ALKBH5: variants seen among roughly 807,000 people sequenced by gnomAD.
ALKBH5 encodes the protein RNA demethylase ALKBH5.
In ALKBH5, 2 loss-of-function variants were observed where a neutral mutation model predicts 32.1. The ratio of observed to expected loss-of-function variants is 0.06; its 90% CI spans 0.03 to 0.20. ALKBH5 has a LOEUF of 0.20. ALKBH5 is among the 10% of genes least tolerant of loss of function. The pLI, the probability that ALKBH5 is intolerant of heterozygous loss-of-function variation, is 1.00. For synonymous variants in ALKBH5, 300 were observed against 231.7 expected (o/e 1.29, Z -2.68); for missense variants, 352 against 559.5 (o/e 0.63, Z 3.74).
At chr17:18,206,095 G>A (rs1335609296) in intron 2 of ALKBH5, among the ~76,000 whole-genome samples, 9 of 152,084 alleles carry the variant, frequency 5.9e-5, no homozygotes, top group Non-Finnish European at 1.3e-4. Flanking sequence ...CTGAGTTACC[G>A]CTACCCAGCT....
chr17:18,183,918 C>G lies in ALKBH5; in HGVS notation c.-326C>G. 1 of 526,980 alleles carries G rather than the reference C, an allele frequency of 1.9e-6. No individual in the cohort carries two copies. Among genetic ancestry groups the G allele is most frequent in the Non-Finnish European group, 3.6e-6 (1 of 280,894 alleles). 32.6% of individuals were successfully genotyped at this position (526,980 alleles called of 1,614,324 possible). On this transcript the variant is annotated 5_prime_UTR_variant, in exon 1 of 4. Coordinates refer to ENST00000399138, the MANE Select transcript of ALKBH5 (RefSeq NM_017758.4). ...GCTTTAAAGTGCGGGCCGGGCCGGGCGTCCGAGGGTCTGGTCGGGAGTCGG... is the reference window on the plus strand; with the variant it reads ...GCTTTAAAGTGCGGGCCGGGCCGGGGGTCCGAGGGTCTGGTCGGGAGTCGG...
At chr17:18,195,358 T>A (rs2047198688) in intron 2 of ALKBH5, among the ~76,000 whole-genome samples, 1 of 152,202 alleles carries the variant, frequency 6.6e-6, no homozygotes, top group South Asian at 2.1e-4. Context: ...CTCACCTCCT[T>A]CGTTCTTATT....
chr17:18,199,264 A>G (rs12150618), intron 2 of ALKBH5, among the ~76,000 whole-genome samples: 53,181 of 152,154 alleles, frequency 0.35, 9,810 homozygotes, highest in Non-Finnish European at 0.41. Context: ...CTGCCGCAGC[A>G]TGCAAGTCTT....
chr17:18,185,126 C>G, intron 1 of ALKBH5, 113 bp downstream of exon 1: 4 of 1,484,722 alleles, frequency 2.7e-6, no homozygotes, highest in Non-Finnish European at 3.6e-6. Context: ...CTGACCAGTT[C>G]TTCTGTTTGT....
chr17:18,204,915 G>A (rs560882347), intron 2 of ALKBH5, among the ~76,000 whole-genome samples: 97 of 151,996 alleles, frequency 6.4e-4, no homozygotes, highest in African/African-American at 2.3e-3. Flanking sequence ...ACCATTAGCC[G>A]GGCATGGTGG....
At chr17:18,205,846 C>T (rs1351272027) in intron 2 of ALKBH5, among the ~76,000 whole-genome samples, 2 of 152,224 alleles carry the variant, frequency 1.3e-5, no homozygotes, top group Non-Finnish European at 2.9e-5. Context: ...AGCCCCTACT[C>T]CTTCGGAACT....
At chr17:18,193,654 G>A (rs1473062570) in intron 1 of ALKBH5, among the ~76,000 whole-genome samples, 2 of 152,200 alleles carry the variant, frequency 1.3e-5, no homozygotes, top group Non-Finnish European at 2.9e-5. Flanking sequence ...GAAGCAGTCT[G>A]GCTTTTTATC....
intron 3 of ALKBH5, among the ~76,000 whole-genome samples, chr17:18,207,193 A>G (rs546111523): frequency 4.2e-4 from 64 of 152,324 alleles, no homozygotes; most frequent in African/African-American, 1.5e-3. Flanking sequence ...ACTGTAACAG[A>G]TGGCAATATC....
At chr17:18,192,115 G>GC (rs904932474) in intron 1 of ALKBH5, among the ~76,000 whole-genome samples, 42 of 152,322 alleles carry the variant, frequency 2.8e-4, no homozygotes, top group Middle Eastern at 3.4e-3. Flanking sequence ...GGCCCAGGCG[G>GC]CCCCCACTAC....
chr17:18,189,286 G>A (rs1163602368), intron 1 of ALKBH5, among the ~76,000 whole-genome samples: 3 of 152,066 alleles, frequency 2.0e-5, no homozygotes, highest in African/African-American at 7.3e-5. Context: ...GGATGCTGAG[G>A]CGGCAGAATG....
At chr17:18,198,143 G>A (rs774459380) in intron 2 of ALKBH5, among the ~76,000 whole-genome samples, 5 of 152,178 alleles carry the variant, frequency 3.3e-5, no homozygotes, top group Admixed American at 2.0e-4. Context: ...ATTTTGACAT[G>A]CAGAAAGCAT....
chr17:18,206,516 C>G, intron 2 of ALKBH5: 1 of 257,976 alleles, frequency 3.9e-6, no homozygotes, highest in Non-Finnish European at 7.4e-6. Flanking sequence ...GGTGAGGCTG[C>G]TTGGTTCAGC....
intron 2 of ALKBH5, among the ~76,000 whole-genome samples, chr17:18,206,297 T>A (rs1163325220): frequency 2.0e-5 from 3 of 152,166 alleles, no homozygotes; most frequent in Non-Finnish European, 4.4e-5. Context: ...GGAGTGGGCC[T>A]GGGTTCCCTA....
At position 18,209,046 on chromosome 17, in the gene ALKBH5, C is replaced by T. The variant is rs756200930; in HGVS notation, c.*650C>T. On this transcript the variant is annotated 3_prime_UTR_variant, in exon 4 of 4. Coordinates refer to ENST00000399138, the MANE Select transcript of ALKBH5 (RefSeq NM_017758.4). ...CCCCCAGGCGTCCTCCACCCACGCC[C>T]ACTAGCCTGCCATGTCCACAGTTCC... 4 of 163,798 alleles carry T rather than the reference C, an allele frequency of 2.4e-5. No homozygotes were observed. The highest frequency in any genetic ancestry group is 5.4e-5 in the Non-Finnish European group (4 of 74,534). The allele number at this position is 163,798 out of a possible 1,614,324, so 10.1% of individuals were successfully genotyped here. A position where few individuals can be genotyped will look rare whatever the true frequency, so the allele number is the denominator to read the frequency against.
rs1192335391 is a variant in ALKBH5, at chr17:18,184,090, A to G, written c.-154A>G. The G allele has an allele frequency of 2.8e-6, 2 of 712,632 alleles. No individual in the cohort carries two copies. Among genetic ancestry groups the G allele is most frequent in the Non-Finnish European group, 4.8e-6 (2 of 414,460 alleles). 44.1% of individuals were successfully genotyped at this position (712,632 alleles called of 1,614,324 possible). On this transcript the variant is annotated 5_prime_UTR_variant, in exon 1 of 4. Coordinates refer to ENST00000399138, the MANE Select transcript of ALKBH5 (RefSeq NM_017758.4). ...TCCTGAGGCCCTACCCCACGCCCGGACCCTCGACGCCCCCCGCCGGGTCCC... is the reference window on the plus strand; with the variant it reads ...TCCTGAGGCCCTACCCCACGCCCGGGCCCTCGACGCCCCCCGCCGGGTCCC...
rs1157142284 is a variant in ALKBH5, at chr17:18,209,184, TTGCCAC to T, written c.*789_*794del. ...GTGTGATTATTTGGAACAGTTAGAC[TTGCCAC>T]GTTGGGTCAGTTTTAGAAATTGTTT... On this transcript the variant is annotated 3_prime_UTR_variant, in exon 4 of 4. Transcript: ENST00000399138. 6.5e-6 allele frequency: 1 copy of T among 152,782 alleles called. No individual in the cohort carries two copies. Among genetic ancestry groups the T allele is most frequent in the Non-Finnish European group, 1.5e-5 (1 of 68,126 alleles). 9.5% of individuals were successfully genotyped at this position (152,782 alleles called of 1,614,324 possible).
In ALKBH5 at chr17:18,208,303, T is replaced by C. The variant is rs1356486956; in HGVS notation, c.1092T>C (p.Ser364=). 1 of 1,614,122 alleles carries C rather than the reference T, an allele frequency of 6.2e-7. No individual in the cohort carries two copies. The highest frequency in any genetic ancestry group is 1.1e-5 in the South Asian group (1 of 91,084). The part of the protein sequence containing the change: ...PTHRRRGSFS[S]ENYWRKSYES... Reference sequence around the variant, plus strand: ...ACCGGCGGAGGGGTAGCTTCAGCTCTGAGAACTACTGGCGCAAGTCATACG... The same window carrying C: ...ACCGGCGGAGGGGTAGCTTCAGCTCCGAGAACTACTGGCGCAAGTCATACG... Residue 364 remains serine, a synonymous_variant, in exon 4 of 4, where the codon TCT becomes TCC. Coordinates refer to ENST00000399138, the MANE Select transcript of ALKBH5 (RefSeq NM_017758.4).
At chr17:18,189,330 C>A (rs888332102) in intron 1 of ALKBH5, among the ~76,000 whole-genome samples, 1 of 152,152 alleles carries the variant, frequency 6.6e-6, no homozygotes, top group South Asian at 2.1e-4. Flanking sequence ...TGCAGTGAAC[C>A]GAGATCATGC....
At chr17:18,195,954 C>G (rs2047201839) in intron 2 of ALKBH5, among the ~76,000 whole-genome samples, 1 of 152,136 alleles carries the variant, frequency 6.6e-6, no homozygotes, top group Admixed American at 6.6e-5. Flanking sequence ...TTTTATTAAA[C>G]TTTATTTTTT....
Sources: gnomAD v4.1 joint callset for allele counts (sites outside exome capture counted in the v4.1 genomes callset) on GRCh38, gnomAD v4.1.1 for gene constraint, MANE v1.5 for transcripts, NCBI Gene and HGNC (gene_info 2026-07-23, HGNC 2026-07-21) for gene names.